The following TRIO variants were observed in gnomAD, a reference collection of about 807,000 sequenced individuals.
TRIO encodes the protein trio Rho guanine nucleotide exchange factor.
In TRIO, 58 loss-of-function variants were observed where a neutral mutation model predicts 351.9. The ratio of observed to expected loss-of-function variants is 0.16; its 90% CI spans 0.13 to 0.21. TRIO has a LOEUF of 0.21. Ranked by LOEUF, TRIO falls within the 10% of genes least tolerant of loss-of-function variation. The pLI, the probability that TRIO is intolerant of heterozygous loss-of-function variation, is 1.00. For synonymous variants in TRIO, 1,758 were observed against 1,595.7 expected, an observed-to-expected ratio of 1.10 and a Z score of -2.42; for missense variants, 3,201 against 4,027.8, an observed-to-expected ratio of 0.79 and a Z score of 5.56.
chr5:14,387,608 G>T lies in TRIO; in HGVS notation c.3741G>T (p.Gly1247=), dbSNP rs757207090. ...KYRTSLEKAL[G]ISSDSNKSSK... ...GGACCTCTTTGGAAAAAGCCCTGGGGATTTCTTCAGATTCCAACAAATCGG... is the reference window on the plus strand; with the variant it reads ...GGACCTCTTTGGAAAAAGCCCTGGGTATTTCTTCAGATTCCAACAAATCGG... The change falls in exon 22 of 57, where the codon GGG becomes GGT. Residue 1247 remains glycine, a synonymous_variant. Coordinates refer to ENST00000344204, the MANE Select transcript of TRIO (RefSeq NM_007118.4). The T allele has an allele frequency of 6.2e-7, 1 of 1,612,366 alleles. No individual in the cohort carries two copies. Among genetic ancestry groups the T allele is most frequent in the Non-Finnish European group, 8.5e-7 (1 of 1,178,852 alleles).
intron 34 of TRIO, among the ~76,000 whole-genome samples, chr5:14,421,960 TCTC>T (rs1412061720): frequency 7.9e-5 from 12 of 152,202 alleles, no homozygotes; most frequent in African/African-American, 2.2e-4. Flanking sequence ...TCCTCCCCCT[TCTC>T]CTGCCCTGTG....
chr5:14,468,181 T>G (rs981282492), intron 37 of TRIO, among the ~76,000 whole-genome samples: 1 of 152,268 alleles, frequency 6.6e-6, no homozygotes, highest in Non-Finnish European at 1.5e-5. Flanking sequence ...CAGTTTTGAC[T>G]CTTACTGTGT....
At chr5:14,181,937 C>A (rs1206385005) in intron 1 of TRIO, among the ~76,000 whole-genome samples, 1 of 151,530 alleles carries the variant, frequency 6.6e-6, no homozygotes, top group African/African-American at 2.4e-5. Context: ...ATAGAACTCT[C>A]CAGAATATTC....
At chr5:14,462,644 C>A in intron 35 of TRIO, 111 bp from the exon 36 acceptor site, 1 of 1,433,450 alleles carries the variant, frequency 7.0e-7, no homozygotes, top group Non-Finnish European at 9.5e-7. Flanking sequence ...AGCTTTGTTC[C>A]TGATTTCTGC....
At chr5:14,357,752 A>G (rs1282947852) in intron 11 of TRIO, among the ~76,000 whole-genome samples, 1 of 152,136 alleles carries the variant, frequency 6.6e-6, no homozygotes, top group African/African-American at 2.4e-5. Flanking sequence ...TTTAATAATG[A>G]AAAATTGAAA....
intron 7 of TRIO, among the ~76,000 whole-genome samples, chr5:14,302,958 G>T (rs1738030205): frequency 6.6e-6 from 1 of 152,260 alleles, no homozygotes; most frequent in Admixed American, 6.5e-5. Flanking sequence ...AAATTTGGCA[G>T]TGATTTCTCA....
intron 24 of TRIO, 117 bp from the exon 25 acceptor site, chr5:14,389,172 T>G: frequency 1.3e-6 from 1 of 741,826 alleles, no homozygotes; most frequent in Non-Finnish European, 2.1e-6. Context: ...AAGGGTCCAG[T>G]CCTTAGTTAT....
rs746523125 is a variant in TRIO, at chr5:14,369,371, C to A, written c.3067-3C>A. On this transcript the variant is annotated splice_polypyrimidine_tract_variant and splice_region_variant and intron_variant, in intron 17 of 56. Coordinates refer to ENST00000344204, the MANE Select transcript of TRIO (RefSeq NM_007118.4). Reference sequence around the variant, plus strand: ...CTGAGCCTCAAACTTTTCCTGCTCACAGGTCTGCAGCGTCCTCGAGAGCCT... The same window carrying A: ...CTGAGCCTCAAACTTTTCCTGCTCAAAGGTCTGCAGCGTCCTCGAGAGCCT... 12 of 1,601,910 alleles carry A rather than the reference C, an allele frequency of 7.5e-6. No homozygotes were observed. The highest frequency in any genetic ancestry group is 1.3e-5 in the African/African-American group (1 of 74,444).
chr5:14,465,038 G>T (rs1025409957), intron 36 of TRIO, among the ~76,000 whole-genome samples: 2 of 152,038 alleles, frequency 1.3e-5, no homozygotes, highest in Non-Finnish European at 2.9e-5. Flanking sequence ...TCTGGTCACC[G>T]CACCCCGTTC....
At chr5:14,340,808 C>T (rs1048451945) in intron 11 of TRIO, among the ~76,000 whole-genome samples, 3 of 152,138 alleles carry the variant, frequency 2.0e-5, no homozygotes, top group Non-Finnish European at 4.4e-5. Context: ...ACAGAATAGA[C>T]ACTTGTTCCT....
intron 34 of TRIO, among the ~76,000 whole-genome samples, chr5:14,437,702 G>A (rs1751706460): frequency 8.0e-6 from 1 of 125,262 alleles, no homozygotes; most frequent in Non-Finnish European, 1.7e-5. Flanking sequence ...CCCGCCCCAA[G>A]GACCTCATTT....
chr5:14,368,685 TC>T, intron 16 of TRIO, 22 bp from the exon 17 acceptor site: 1 of 1,600,788 alleles, frequency 6.2e-7, no homozygotes, highest in South Asian at 1.1e-5. Flanking sequence ...AAATAAGCCT[TC>T]CCTTTTGTTC....
rs563964749 is a variant in TRIO at position 14,318,663 on chromosome 5, A to G, written c.1731+1920A>G. On this transcript the variant is annotated intron_variant, in intron 9 of 56. Transcript: ENST00000344204. ...GAGAAAGAATACAGTGCAGGAAAGA[A>G]GAGGCTGGAGCCAGTGGTGAAGAGG... Among the ~76,000 whole-genome samples, 4 of 152,354 alleles carry G rather than the reference A, an allele frequency of 2.6e-5. 1 individual carries two copies. In the South Asian group the frequency reaches 8.3e-4, roughly 32 times the overall value.
intron 34 of TRIO, among the ~76,000 whole-genome samples, chr5:14,455,942 C>T (rs895916645): frequency 6.6e-6 from 1 of 152,248 alleles, no homozygotes; most frequent in African/African-American, 2.4e-5. Flanking sequence ...TGCGGAGGCT[C>T]AGGCTGCGTG....
intron 1 of TRIO, among the ~76,000 whole-genome samples, chr5:14,193,211 G>A (rs1348339956): frequency 2.6e-5 from 4 of 152,224 alleles, no homozygotes; most frequent in African/African-American, 7.2e-5. Flanking sequence ...GCAATATATC[G>A]TGACACAAAA....
At chr5:14,374,374 C>G (rs1250425574) in intron 19 of TRIO, 31 bp downstream of exon 19, 1 of 1,564,928 alleles carries the variant, frequency 6.4e-7, no homozygotes, top group East Asian at 2.3e-5. Flanking sequence ...CCAGGGGTGG[C>G]CCAGTGCATG....
chr5:14,368,278 T>A (rs957805591), intron 16 of TRIO, among the ~76,000 whole-genome samples: 1 of 152,260 alleles, frequency 6.6e-6, no homozygotes, highest in African/African-American at 2.4e-5. Flanking sequence ...GTCCAGAGTT[T>A]AAGTTGCAAG....
At chr5:14,368,461 C>A (rs1744793155) in intron 16 of TRIO, among the ~76,000 whole-genome samples, 1 of 152,188 alleles carries the variant, frequency 6.6e-6, no homozygotes, top group East Asian at 1.9e-4. Flanking sequence ...ACAACCGAGA[C>A]CCATTCTGGG....
At chr5:14,389,422 C>A in intron 25 of TRIO, 24 bp downstream of exon 25, 1 of 1,540,346 alleles carries the variant, frequency 6.5e-7, no homozygotes, top group Non-Finnish European at 8.9e-7. Flanking sequence ...TCTTTGGGAG[C>A]AGTTACGCTT....
Sources: gnomAD v4.1 joint callset for allele counts (sites outside exome capture counted in the v4.1 genomes callset) on GRCh38, gnomAD v4.1.1 for gene constraint, MANE v1.5 for transcripts, NCBI Gene and HGNC (gene_info 2026-07-23, HGNC 2026-07-21) for gene names.